ARHGEF6: variants seen among roughly 807,000 people sequenced by gnomAD.
The protein encoded by ARHGEF6 is Rac/Cdc42 guanine nucleotide exchange factor 6.
ARHGEF6 carries 9 observed loss-of-function variants against 70.3 expected under a neutral mutation model. The observed-to-expected ratio is 0.13, with a 90% confidence interval of 0.08 to 0.22. The LOEUF is 0.22. Among genes scored for constraint, ARHGEF6 ranks in the 10% least tolerant of loss-of-function variants. The probability of loss-of-function intolerance (pLI) is 1.00; values close to 1 mark genes in which losing one functional copy is unlikely to be tolerated. For synonymous variants in ARHGEF6, 201 were observed against 207.8 expected, an observed-to-expected ratio of 0.97 and a Z score of 0.28; for missense variants, 470 against 563.0, an observed-to-expected ratio of 0.83 and a Z score of 1.67.
rs34641907 is a variant in ARHGEF6, at chrX:136,759,627, C to CAA, written c.250-12037_250-12036dup. ...CCTGGGCAAAACAGCAGGACTCTGTCAAAAAAAAAAAAAAAAGCCTCTTAA... is the reference window on the plus strand; with the variant it reads ...CCTGGGCAAAACAGCAGGACTCTGTCAAAAAAAAAAAAAAAAAAGCCTCTTAA... On this transcript the variant is annotated intron_variant, in intron 2 of 21. Transcript: ENST00000250617. Among the ~76,000 whole-genome samples, 110 of 54,509 alleles carry CAA rather than the reference C, an allele frequency of 2.0e-3. 1 individual carries two copies. Among genetic ancestry groups the CAA allele is most frequent in the African/African-American group, 6.3e-3 (101 of 16,002 alleles). The allele number at this position is 54,509 out of a possible 115,157, so 47.3% of individuals were successfully genotyped here.
chrX:136,690,548 C>A (rs913052777), intron 10 of ARHGEF6, 62 bp downstream of exon 10: 1 of 1,185,674 alleles, frequency 8.4e-7, no homozygotes, highest in Non-Finnish European at 1.1e-6. Flanking sequence ...AAATTGGCTG[C>A]GTCCTCCAGA....
At chrX:136,725,389 T>C in intron 6 of ARHGEF6, among the ~76,000 whole-genome samples, 1 of 95,217 alleles carries the variant, frequency 1.1e-5, no homozygotes, top group Non-Finnish European at 2.1e-5. Context: ...AAAACGTGAG[T>C]AGTAATATAC....
intron 16 of ARHGEF6, among the ~76,000 whole-genome samples, chrX:136,678,659 A>G (rs1432923101): frequency 9.0e-6 from 1 of 111,598 alleles, no homozygotes; most frequent in Non-Finnish European, 1.9e-5. Context: ...CAATCAAAAC[A>G]CTCAAAATTG....
chrX:136,764,273 T>A (rs1190173398), intron 2 of ARHGEF6, among the ~76,000 whole-genome samples: 2 of 111,572 alleles, frequency 1.8e-5, no homozygotes, highest in Non-Finnish European at 3.8e-5. Flanking sequence ...GACACTGTAA[T>A]GCATAAACCC....
chrX:136,755,405 C>A (rs371085311), intron 2 of ARHGEF6, among the ~76,000 whole-genome samples: 2 of 111,761 alleles, frequency 1.8e-5, no homozygotes, highest in African/African-American at 6.5e-5. Context: ...GTCAGCAGCT[C>A]CTCCGTGCCT....
intron 5 of ARHGEF6, among the ~76,000 whole-genome samples, chrX:136,736,618 G>GATAT (rs58741198): frequency 9.6e-6 from 1 of 103,708 alleles, no homozygotes; most frequent in Non-Finnish European, 2.0e-5. Context: ...GTTAAAAAGA[G>GATAT]GTGTGTGTGT....
chrX:136,749,965 A>G (rs1670153665), intron 2 of ARHGEF6, among the ~76,000 whole-genome samples: 1 of 112,227 alleles, frequency 8.9e-6, no homozygotes, highest in African/African-American at 3.2e-5. Flanking sequence ...TCTTCCATGC[A>G]CTTCAGAGAG....
At chrX:136,738,024 C>G (rs2077004243) in intron 5 of ARHGEF6, among the ~76,000 whole-genome samples, 1 of 108,992 alleles carries the variant, frequency 9.2e-6, no homozygotes, top group African/African-American at 3.4e-5. Flanking sequence ...TTAGATTGTC[C>G]TTGCCTCTCT....
rs1397951092 is a variant in ARHGEF6 at position 136,665,882 on chromosome X, G to A, written c.*2147C>T. 5 of 112,415 alleles carry A rather than the reference G, an allele frequency of 4.4e-5. No individual in the cohort carries two copies. The highest frequency in any genetic ancestry group is 6.5e-5 in the African/African-American group (2 of 30,838). The allele number at this position is 112,415 out of a possible 1,213,427, so 9.3% of individuals were successfully genotyped here. On this transcript the variant is annotated 3_prime_UTR_variant, in exon 22 of 22. Coordinates refer to ENST00000250617, the MANE Select transcript of ARHGEF6 (RefSeq NM_004840.3). ...CCCTCATCAGAAGGGCCAAGTCCCC[G>A]AAACATGCATATGTACTCATCACTG...
chrX:136,690,582 G>A (rs760097683), intron 10 of ARHGEF6, 28 bp downstream of exon 10: 8 of 1,209,748 alleles, frequency 6.6e-6, no homozygotes, highest in Middle Eastern at 2.3e-4. Flanking sequence ...CTTGGCACAC[G>A]AGCTTGAAAA....
intron 12 of ARHGEF6, 94 bp from the exon 13 acceptor site, chrX:136,682,938 T>C (rs1339735891): frequency 1.2e-5 from 8 of 674,844 alleles, no homozygotes; most frequent in African/African-American, 1.1e-4. Flanking sequence ...ATAGACCTTA[T>C]ATAAACAACT....
intron 2 of ARHGEF6, among the ~76,000 whole-genome samples, chrX:136,750,321 T>C (rs1018467615): frequency 8.9e-6 from 1 of 112,600 alleles, no homozygotes; most frequent in Admixed American, 9.4e-5. Context: ...ATTTATGCTG[T>C]ATGTAATTTT....
At chrX:136,685,617 A>T in intron 12 of ARHGEF6, 60 bp downstream of exon 12, 1 of 1,163,678 alleles carries the variant, frequency 8.6e-7, no homozygotes. Flanking sequence ...AAAAAAAAAA[A>T]AAAAAGGAAG....
At chrX:136,719,988 T>C (rs925988253) in intron 6 of ARHGEF6, among the ~76,000 whole-genome samples, 2 of 112,003 alleles carry the variant, frequency 1.8e-5, no homozygotes, top group Admixed American at 9.4e-5. Flanking sequence ...AGAAAATGAA[T>C]TGGTAATTAA....
intron 9 of ARHGEF6, among the ~76,000 whole-genome samples, chrX:136,700,976 G>A (rs58407654): frequency 1.8e-5 from 2 of 112,076 alleles, no homozygotes; most frequent in Non-Finnish European, 3.8e-5. Context: ...AAAACACTGT[G>A]ACAGAAATGA....
intron 9 of ARHGEF6, among the ~76,000 whole-genome samples, chrX:136,696,528 G>T (rs1376719899): frequency 2.7e-5 from 3 of 110,286 alleles, no homozygotes; most frequent in Non-Finnish European, 5.7e-5. Context: ...TGAGGTGGGA[G>T]GATTGCTTGA....
At chrX:136,722,429 G>A (rs1004030491) in intron 6 of ARHGEF6, among the ~76,000 whole-genome samples, 1 of 112,079 alleles carries the variant, frequency 8.9e-6, no homozygotes, top group Admixed American at 9.5e-5. Context: ...TATCTGATAA[G>A]AGTCTAGTAT....
intron 8 of ARHGEF6, 109 bp from the exon 9 acceptor site, chrX:136,707,139 A>G: frequency 2.1e-6 from 2 of 947,227 alleles, no homozygotes; most frequent in Non-Finnish European, 3.0e-6. Context: ...TATTTTGCCA[A>G]GGTTAAAAGA....
chrX:136,760,959 G>A, intron 2 of ARHGEF6, among the ~76,000 whole-genome samples: 1 of 112,203 alleles, frequency 8.9e-6, no homozygotes, highest in South Asian at 3.6e-4. Context: ...CATTCTTCTA[G>A]TTTATGCATA....
Sources: gnomAD v4.1 joint callset for allele counts (sites outside exome capture counted in the v4.1 genomes callset) on GRCh38, gnomAD v4.1.1 for gene constraint, MANE v1.5 for transcripts, NCBI Gene and HGNC (gene_info 2026-07-23, HGNC 2026-07-21) for gene names.